The following GRID1 variants were observed in gnomAD, a reference collection of about 807,000 sequenced individuals.
The protein encoded by GRID1 is glutamate ionotropic receptor delta type subunit 1, also known as glutamate receptor ionotropic, delta-1.
In GRID1, 28 loss-of-function variants were observed where a neutral mutation model predicts 98.0. That is an observed-to-expected ratio of 0.29 (90% confidence interval 0.21 to 0.39). The LOEUF (loss-of-function observed/expected upper bound fraction) is 0.39, where lower values mean the gene tolerates loss of function less well. Ranked by LOEUF, GRID1 falls within the 10% of genes least tolerant of loss-of-function variation. GRID1 has a pLI of 1.00. For synonymous variants in GRID1, 553 were observed against 538.5 expected, an observed-to-expected ratio of 1.03 and a Z score of -0.37; for missense variants, 1,111 against 1,340.5, an observed-to-expected ratio of 0.83 and a Z score of 2.67.
At chr10:86,015,719 T>C (rs565216239) in intron 4 of GRID1, among the ~76,000 whole-genome samples, 84 of 152,356 alleles carry the variant, frequency 5.5e-4, no homozygotes, top group African/African-American at 2.0e-3. Flanking sequence ...GGACTTCCCA[T>C]TGACTCTGTG....
chr10:85,770,947 A>G (rs990284058), intron 8 of GRID1, among the ~76,000 whole-genome samples: 5 of 152,192 alleles, frequency 3.3e-5, no homozygotes, highest in Non-Finnish European at 5.9e-5. Context: ...GCAGGCCAAC[A>G]TTCAGATTCA....
chr10:86,121,667 C>G (rs1486886256), intron 4 of GRID1, among the ~76,000 whole-genome samples: 3 of 150,154 alleles, frequency 2.0e-5, no homozygotes, highest in Non-Finnish European at 4.4e-5. Context: ...CACAATAATA[C>G]CAGGGACATT....
In GRID1 at chr10:85,735,042, G is replaced by C. The variant is rs370934255; in HGVS notation, c.1234-5428C>G. ...CGAGGCCGATGGGCTTGATAAGTGG[G>C]AAGCCAGAAAAAGCTTTCATCCAAA... On this transcript the variant is annotated intron_variant, in intron 8 of 15. Transcript: ENST00000327946. 1.6e-4 allele frequency among the ~76,000 whole-genome samples: 25 copies of C among 152,270 alleles called. No homozygotes were observed. The East Asian group carries it at 4.6e-3, about 28-fold the overall frequency.
intron 2 of GRID1, among the ~76,000 whole-genome samples, chr10:86,357,398 C>G (rs7082561): frequency 1.3e-5 from 2 of 152,228 alleles, no homozygotes; most frequent in African/African-American, 4.8e-5. Context: ...CTCTCCCACA[C>G]GCCTGGCATA....
chr10:85,794,574 G>A lies in GRID1; in HGVS notation c.1233+59922C>T, dbSNP rs542220762. Among the ~76,000 whole-genome samples the A allele has an allele frequency of 5.3e-5, 8 of 152,324 alleles. No homozygotes were observed. In the South Asian group the frequency reaches 1.4e-3, roughly 28 times the overall value. ...TGATTATAAACGTTAGTGTCCAAAG[G>A]ATTGACAGATTGAATAGCTGTCAGG... On this transcript the variant is annotated intron_variant, in intron 8 of 15. Coordinates refer to ENST00000327946, the MANE Select transcript of GRID1 (RefSeq NM_017551.3).
intron 12 of GRID1, among the ~76,000 whole-genome samples, chr10:85,657,543 G>T (rs1291918524): frequency 6.6e-6 from 1 of 152,186 alleles, no homozygotes; most frequent in Admixed American, 6.5e-5. Flanking sequence ...ATCTAGATTT[G>T]ATATTCTGTT....
intron 2 of GRID1, among the ~76,000 whole-genome samples, chr10:86,315,007 TGCCCCC>T (rs55782729): frequency 0.77 from 116,831 of 151,632 alleles, 47,934 homozygotes; most frequent in East Asian, 0.93. Flanking sequence ...ACTGACCTTC[TGCCCCC>T]GCCCACTGCT....
chr10:86,329,804 C>A (rs1848111761), intron 2 of GRID1, among the ~76,000 whole-genome samples: 1 of 152,188 alleles, frequency 6.6e-6, no homozygotes, highest in Non-Finnish European at 1.5e-5. Flanking sequence ...GAGCCTGGAT[C>A]TTCCTTATGA....
At chr10:85,763,163 A>T (rs925443931) in intron 8 of GRID1, among the ~76,000 whole-genome samples, 1 of 152,182 alleles carries the variant, frequency 6.6e-6, no homozygotes, top group African/African-American at 2.4e-5. Flanking sequence ...AGTGACCCCA[A>T]GTCAGCTGCC....
intron 12 of GRID1, among the ~76,000 whole-genome samples, chr10:85,712,828 A>G (rs78417705): frequency 0.06 from 9,151 of 151,770 alleles, 530 homozygotes; most frequent in African/African-American, 0.15. Context: ...CAAGTAGATC[A>G]TAGAAAAAAT....
intron 4 of GRID1, among the ~76,000 whole-genome samples, chr10:86,122,579 A>C (rs1844692415): frequency 1.3e-5 from 2 of 152,234 alleles, no homozygotes; most frequent in African/African-American, 4.8e-5. Flanking sequence ...TGGATAACTT[A>C]TACAACTTCC....
At chr10:85,732,071 A>C (rs921794527) in intron 8 of GRID1, among the ~76,000 whole-genome samples, 1 of 152,174 alleles carries the variant, frequency 6.6e-6, no homozygotes, top group African/African-American at 2.4e-5. Flanking sequence ...AATGGGGTCA[A>C]GGGGTTGATT....
At chr10:85,928,138 C>T (rs923170997) in intron 4 of GRID1, among the ~76,000 whole-genome samples, 7 of 151,050 alleles carry the variant, frequency 4.6e-5, no homozygotes, top group Admixed American at 2.0e-4. Context: ...CTCCCTCAGG[C>T]AGCAGGAAGT....
At chr10:85,921,879 C>T (rs1841709613) in intron 4 of GRID1, among the ~76,000 whole-genome samples, 1 of 152,192 alleles carries the variant, frequency 6.6e-6, no homozygotes, top group Non-Finnish European at 1.5e-5. Context: ...ATTAACCACC[C>T]CCCAAGATAC....
intron 2 of GRID1, among the ~76,000 whole-genome samples, chr10:86,274,248 C>T (rs1029508178): frequency 6.6e-5 from 10 of 152,150 alleles, no homozygotes; most frequent in Non-Finnish European, 1.2e-4. Flanking sequence ...TTTCTGAGGG[C>T]TCTGTTCTGT....
chr10:85,828,114 A>G (rs995349968), intron 8 of GRID1, among the ~76,000 whole-genome samples: 1 of 152,220 alleles, frequency 6.6e-6, no homozygotes, highest in Non-Finnish European at 1.5e-5. Context: ...ATAAAAATAG[A>G]AATCAATACT....
chr10:85,977,710 T>C (rs1408822673), intron 4 of GRID1, among the ~76,000 whole-genome samples: 1 of 152,180 alleles, frequency 6.6e-6, no homozygotes, highest in African/African-American at 2.4e-5. Context: ...CTTACTGCCC[T>C]GGATTAGATC....
intron 12 of GRID1, among the ~76,000 whole-genome samples, chr10:85,649,541 C>T (rs539675748): frequency 1.3e-5 from 2 of 151,438 alleles, no homozygotes; most frequent in East Asian, 1.9e-4. Context: ...CAAACAAACA[C>T]GAGGCTTTGA....
intron 2 of GRID1, among the ~76,000 whole-genome samples, chr10:86,264,299 T>C (rs1847069125): frequency 1.3e-5 from 2 of 152,230 alleles, no homozygotes; most frequent in Non-Finnish European, 2.9e-5. Flanking sequence ...TATCATCCTC[T>C]GGTTCTCTAC....
Sources: gnomAD v4.1 joint callset for allele counts (sites outside exome capture counted in the v4.1 genomes callset) on GRCh38, gnomAD v4.1.1 for gene constraint, MANE v1.5 for transcripts, NCBI Gene and HGNC (gene_info 2026-07-23, HGNC 2026-07-21) for gene names.